Variants in DOCK2 observed in about 807,000 individuals in gnomAD.
The protein encoded by DOCK2 is dedicator of cytokinesis 2.
DOCK2 carries 87 observed loss-of-function variants against 248.9 expected under a neutral mutation model. That is an observed-to-expected ratio of 0.35 (90% CI 0.29 to 0.42). The LOEUF is 0.42. Among genes scored for constraint, DOCK2 ranks in the 10% least tolerant of loss-of-function variants. The pLI is 1.00. For missense variants in DOCK2, 1,747 were observed against 2,300.2 expected, an observed-to-expected ratio of 0.76 and a Z score of 4.92; for synonymous variants, 805 against 821.6, an observed-to-expected ratio of 0.98 and a Z score of 0.35.
intron 27 of DOCK2, among the ~76,000 whole-genome samples, chr5:169,971,793 T>C (rs190211958): frequency 2.0e-5 from 3 of 152,214 alleles, no homozygotes; most frequent in African/African-American, 7.2e-5. Context: ...AGCCCTTAGC[T>C]AGGCATCCAA....
intron 27 of DOCK2, among the ~76,000 whole-genome samples, chr5:169,978,405 G>GGGGGGGGGT (rs1777809622): frequency 1.1e-5 from 1 of 95,018 alleles, no homozygotes; most frequent in Non-Finnish European, 2.2e-5. Flanking sequence ...GGGGGGGGGG[G>GGGGGGGGGT]TGTAGGTGTG....
chr5:170,008,384 A>G, intron 30 of DOCK2, 113 bp from the exon 31 acceptor site: 5 of 1,106,336 alleles, frequency 4.5e-6, no homozygotes, highest in Non-Finnish European at 6.7e-6. Flanking sequence ...GCACAATTAA[A>G]CTGGTTCGGC....
chr5:169,831,470 A>G (rs1769226546), intron 26 of DOCK2, among the ~76,000 whole-genome samples: 1 of 152,232 alleles, frequency 6.6e-6, no homozygotes, highest in South Asian at 2.1e-4. Flanking sequence ...GGACAGATTT[A>G]CAGAATGATT....
intron 26 of DOCK2, among the ~76,000 whole-genome samples, chr5:169,807,833 CAAA>C (rs61670398): frequency 4.1e-3 from 100 of 24,198 alleles, no homozygotes; most frequent in South Asian, 0.014. Flanking sequence ...GACTCTGTCT[CAAA>C]AAAAAAAAAA....
At chr5:170,022,002 C>A (rs1755745240) in intron 33 of DOCK2, among the ~76,000 whole-genome samples, 1 of 152,200 alleles carries the variant, frequency 6.6e-6, no homozygotes, top group African/African-American at 2.4e-5. Context: ...ACATTGTTCC[C>A]TCTCTAAAAT....
chr5:169,858,864 AT>A (rs1771028512), intron 27 of DOCK2, among the ~76,000 whole-genome samples: 1 of 152,038 alleles, frequency 6.6e-6, no homozygotes, highest in South Asian at 2.1e-4. Flanking sequence ...TAAAAAAAAC[AT>A]TAGTGGGTTG....
chr5:169,789,049 G>A (rs935130452), intron 25 of DOCK2, among the ~76,000 whole-genome samples: 3 of 152,118 alleles, frequency 2.0e-5, no homozygotes, highest in African/African-American at 7.2e-5. Flanking sequence ...GTGTCCATGT[G>A]TTCTCATCAT....
chr5:169,753,019 T>C (rs1321659824), intron 23 of DOCK2, among the ~76,000 whole-genome samples: 1 of 152,070 alleles, frequency 6.6e-6, no homozygotes, highest in East Asian at 1.9e-4. Flanking sequence ...GAGCCGAGAT[T>C]GCGCCATTGC....
chr5:169,694,548 T>A (rs1162884529), intron 9 of DOCK2, among the ~76,000 whole-genome samples: 1 of 152,228 alleles, frequency 6.6e-6, no homozygotes, highest in Non-Finnish European at 1.5e-5. Context: ...CTTATCTTCT[T>A]TGTGTCTCAG....
At chr5:169,686,812 G>T (rs1561599985) in intron 8 of DOCK2, among the ~76,000 whole-genome samples, 1 of 152,198 alleles carries the variant, frequency 6.6e-6, no homozygotes, top group African/African-American at 2.4e-5. Flanking sequence ...AAGGGATCCT[G>T]TTTGGGAAAT....
intron 44 of DOCK2, among the ~76,000 whole-genome samples, chr5:170,067,179 C>A (rs79244478): frequency 0.012 from 1,768 of 152,248 alleles, 36 homozygotes; most frequent in African/African-American, 0.04. Context: ...TAGTATCTGC[C>A]CAACCAATAC....
chr5:169,985,978 C>T, intron 29 of DOCK2, 56 bp downstream of exon 29: 1 of 1,485,662 alleles, frequency 6.7e-7, no homozygotes. Flanking sequence ...CTTCAAAGAT[C>T]ACTTATTTTG....
At chr5:169,976,819 G>T (rs1777734245) in intron 27 of DOCK2, among the ~76,000 whole-genome samples, 1 of 152,208 alleles carries the variant, frequency 6.6e-6, no homozygotes, top group African/African-American at 2.4e-5. Flanking sequence ...GACTCTGCCG[G>T]AGTTGCCATG....
chr5:170,077,908 C>G (rs1757894065), intron 48 of DOCK2, 71 bp downstream of exon 48: 1 of 1,279,322 alleles, frequency 7.8e-7, no homozygotes. Flanking sequence ...CCTTCTCTCT[C>G]TTCTCCGGCA....
intron 26 of DOCK2, among the ~76,000 whole-genome samples, chr5:169,807,651 T>C (rs917949468): frequency 2.0e-5 from 3 of 151,498 alleles, no homozygotes; most frequent in Non-Finnish European, 4.4e-5. Context: ...GCTAATACGG[T>C]GAAACCCCGT....
At chr5:169,986,122 A>G (rs886650794) in intron 29 of DOCK2, among the ~76,000 whole-genome samples, 200 bp downstream of exon 29, 1 of 152,134 alleles carries the variant, frequency 6.6e-6, no homozygotes, top group South Asian at 2.1e-4. Context: ...CAACTTCTCC[A>G]TTTTTCAAAT....
At chr5:169,976,821 G>A (rs1322403727) in intron 27 of DOCK2, among the ~76,000 whole-genome samples, 1 of 152,182 alleles carries the variant, frequency 6.6e-6, no homozygotes, top group Non-Finnish European at 1.5e-5. Flanking sequence ...CTCTGCCGGA[G>A]TTGCCATGTT....
chr5:169,799,903 G>C (rs1434227492), intron 25 of DOCK2, among the ~76,000 whole-genome samples: 1 of 151,980 alleles, frequency 6.6e-6, no homozygotes, highest in Non-Finnish European at 1.5e-5. Context: ...TACTTCCTGG[G>C]CTCTGATCTT....
chr5:169,698,308 C>T (rs896012234), intron 10 of DOCK2, 66 bp from the exon 11 acceptor site: 17 of 1,530,212 alleles, frequency 1.1e-5, no homozygotes, highest in Admixed American at 1.7e-5. Context: ...ATAAGCTCAT[C>T]CCACTGTCAT....
Sources: allele counts gnomAD v4.1 joint callset (sites outside exome capture counted in the v4.1 genomes callset), GRCh38; gene constraint gnomAD v4.1.1; transcripts MANE v1.5; gene names NCBI Gene and HGNC (gene_info 2026-07-23, HGNC 2026-07-21).